The following PPM1L variants were observed in gnomAD, a reference collection of about 807,000 sequenced individuals.
PPM1L encodes the protein protein phosphatase 1L.
Under a neutral mutation model 31.4 loss-of-function variants are expected in PPM1L, and 13 were observed. The ratio of observed to expected loss-of-function variants is 0.41; its 90% CI spans 0.27 to 0.66. The LOEUF (loss-of-function observed/expected upper bound fraction) is 0.66. Among genes scored for constraint, PPM1L ranks in the 30% least tolerant of loss-of-function variants. The pLI is 0.29. For synonymous variants in PPM1L, 184 were observed against 175.4 expected, an observed-to-expected ratio of 1.05 and a Z score of -0.39; for missense variants, 326 against 453.7, an observed-to-expected ratio of 0.72 and a Z score of 2.56.
intron 1 of PPM1L, among the ~76,000 whole-genome samples, chr3:160,806,224 T>G (rs1245318473): frequency 6.6e-6 from 1 of 152,128 alleles, no homozygotes; most frequent in Admixed American, 6.5e-5. Context: ...CTTTGCACAT[T>G]CTAAACCTTC....
At chr3:160,981,791 C>T (rs1428752025) in intron 2 of PPM1L, among the ~76,000 whole-genome samples, 1 of 144,272 alleles carries the variant, frequency 6.9e-6, no homozygotes, top group African/African-American at 2.6e-5. Flanking sequence ...GAGATGGAGT[C>T]TCGCTCTGTC....
intron 1 of PPM1L, among the ~76,000 whole-genome samples, chr3:160,776,301 A>G (rs1298685352): frequency 5.3e-5 from 8 of 152,092 alleles, no homozygotes; most frequent in African/African-American, 1.9e-4. Flanking sequence ...CATGGGAAAC[A>G]GAAGTTGCTT....
chr3:160,875,270 GTGT>G (rs1712466111), intron 1 of PPM1L, among the ~76,000 whole-genome samples: 1 of 152,178 alleles, frequency 6.6e-6, no homozygotes, highest in Admixed American at 6.5e-5. Context: ...GTTTAAGAGA[GTGT>G]CATTTGGGCT....
chr3:160,920,633 ACACACT>A (rs4013770), intron 1 of PPM1L, among the ~76,000 whole-genome samples: 8,550 of 101,584 alleles, frequency 0.084, 328 homozygotes, highest in Middle Eastern at 0.11. Context: ...ACACACACAC[ACACACT>A]CACACACACA....
At chr3:160,850,494 T>G (rs995358123) in intron 1 of PPM1L, among the ~76,000 whole-genome samples, 2 of 152,136 alleles carry the variant, frequency 1.3e-5, no homozygotes, top group African/African-American at 4.8e-5. Context: ...TTAGTCAACC[T>G]CCAGTCCTGC....
intron 1 of PPM1L, among the ~76,000 whole-genome samples, chr3:160,921,371 G>A (rs1351132711): frequency 6.6e-6 from 1 of 152,104 alleles, no homozygotes; most frequent in African/African-American, 2.4e-5. Context: ...TATTAATAAG[G>A]TTTAATTTTG....
At chr3:161,038,042 G>A (rs1718796867) in intron 2 of PPM1L, among the ~76,000 whole-genome samples, 1 of 151,514 alleles carries the variant, frequency 6.6e-6, no homozygotes, top group South Asian at 2.1e-4. Flanking sequence ...GACCATCCCG[G>A]CTAAAATGGT....
In PPM1L at chr3:161,068,948, C is replaced by A. The variant is rs769086371; in HGVS notation, c.874C>A (p.Leu292Ile). The change falls in exon 4 of 4, where the codon CTT (leucine) becomes ATT (isoleucine). Residue 292 changes from leucine (L) to isoleucine (I), a missense_variant. Physicochemically the swap from Leu to Ile is conservative, Grantham distance 5. Coordinates refer to ENST00000498165, the MANE Select transcript of PPM1L (RefSeq NM_139245.4). ...PDILTFDLDK[L>I]QPEFMILASD... ...CATCCTGACCTTTGACCTGGACAAG[C>A]TTCAGCCTGAGTTCATGATCTTGGC... 2 of 1,614,076 alleles carry A rather than the reference C, an allele frequency of 1.2e-6. No homozygotes were observed. The highest frequency in any genetic ancestry group is 2.7e-5 in the African/African-American group (2 of 74,926).
intron 1 of PPM1L, among the ~76,000 whole-genome samples, chr3:160,760,556 C>T (rs113718800): frequency 0.016 from 2,510 of 152,152 alleles, 64 homozygotes; most frequent in African/African-American, 0.057. Context: ...CAGTGATTGT[C>T]TTCTTATATA....
intron 2 of PPM1L, among the ~76,000 whole-genome samples, chr3:161,048,513 A>T (rs1045416239): frequency 6.6e-6 from 1 of 152,202 alleles, no homozygotes; most frequent in African/African-American, 2.4e-5. Flanking sequence ...ATTGTGGAAG[A>T]CAGTGTGGCG....
intron 1 of PPM1L, among the ~76,000 whole-genome samples, chr3:160,809,503 C>T (rs1366425133): frequency 6.6e-6 from 1 of 152,098 alleles, no homozygotes; most frequent in Non-Finnish European, 1.5e-5. Context: ...AGTATATTTC[C>T]AGACAGATGA....
At chr3:160,978,786 T>C (rs1329488973) in intron 2 of PPM1L, among the ~76,000 whole-genome samples, 1 of 152,060 alleles carries the variant, frequency 6.6e-6, no homozygotes, top group Non-Finnish European at 1.5e-5. Flanking sequence ...GCCGTGTTCA[T>C]GCTACTGTAC....
chr3:160,867,327 C>CTTT (rs529507709), intron 1 of PPM1L, among the ~76,000 whole-genome samples: 96 of 123,908 alleles, frequency 7.7e-4, no homozygotes, highest in African/African-American at 2.4e-3. Flanking sequence ...GTTCCATGTT[C>CTTT]TTTTTTTTTT....
At chr3:160,947,684 G>A (rs914974274) in intron 1 of PPM1L, among the ~76,000 whole-genome samples, 2 of 152,196 alleles carry the variant, frequency 1.3e-5, no homozygotes, top group African/African-American at 2.4e-5. Context: ...ACCCGTCTAT[G>A]TAGCAAAATA....
intron 1 of PPM1L, among the ~76,000 whole-genome samples, chr3:160,824,550 A>C (rs1713301562): frequency 6.6e-6 from 1 of 152,132 alleles, no homozygotes; most frequent in Non-Finnish European, 1.5e-5. Flanking sequence ...CCGTGGCCTA[A>C]GTCTGATCTT....
chr3:161,063,440 T>C (rs1417509496), intron 2 of PPM1L, among the ~76,000 whole-genome samples: 1 of 152,140 alleles, frequency 6.6e-6, no homozygotes, highest in East Asian at 1.9e-4. Flanking sequence ...AGAATGGAAT[T>C]TCAAGCAGAA....
chr3:160,995,845 A>G (rs1229969407), intron 2 of PPM1L, among the ~76,000 whole-genome samples: 1 of 152,206 alleles, frequency 6.6e-6, no homozygotes. Flanking sequence ...TAGTTTTCTA[A>G]TGGCATCTCT....
chr3:160,864,461 GCCACCACGCCCAGTCAC>G (rs1227610625), intron 1 of PPM1L, among the ~76,000 whole-genome samples: 1 of 152,192 alleles, frequency 6.6e-6, no homozygotes, highest in Non-Finnish European at 1.5e-5. Context: ...ACAGGGGTGA[GCCACCACGCCCAGTCAC>G]CCTTGTCTTC....
chr3:160,759,444 T>G (rs1272228866), intron 1 of PPM1L, among the ~76,000 whole-genome samples: 1 of 152,136 alleles, frequency 6.6e-6, no homozygotes, highest in Non-Finnish European at 1.5e-5. Flanking sequence ...TAAGCTGAGA[T>G]GCTGATAGCT....
Sources: allele counts gnomAD v4.1 joint callset (sites outside exome capture counted in the v4.1 genomes callset), GRCh38; gene constraint gnomAD v4.1.1; transcripts MANE v1.5; gene names NCBI Gene and HGNC (gene_info 2026-07-23, HGNC 2026-07-21).